The following BEND4 variants were observed in gnomAD, a reference collection of about 807,000 sequenced individuals.
The protein encoded by BEND4 is BEN domain-containing protein 4.
BEND4 carries 27 observed loss-of-function variants against 54.7 expected under a neutral mutation model. That is an observed-to-expected ratio of 0.49 (90% CI 0.36 to 0.68). The LOEUF is 0.68. Ranked by LOEUF, BEND4 falls within the 30% of genes least tolerant of loss-of-function variation. The pLI, the probability that BEND4 is intolerant of heterozygous loss-of-function variation, is 0.00. For missense variants in BEND4, 702 were observed against 697.2 expected, an observed-to-expected ratio of 1.01 and a Z score of -0.08; for synonymous variants, 327 against 299.5, an observed-to-expected ratio of 1.09 and a Z score of -0.95.
At chr4:42,124,547 G>A (rs899657820) in intron 4 of BEND4, among the ~76,000 whole-genome samples, 1 of 152,162 alleles carries the variant, frequency 6.6e-6, no homozygotes, top group Non-Finnish European at 1.5e-5. Context: ...CGGAGGAGGA[G>A]AGGTGAGGGC....
In BEND4 at chr4:42,151,683, T is replaced by G. The variant is rs1054895314; in HGVS notation, c.461A>C (p.Asp154Ala). ...AAAGTGGTGS[D>A]SASLELSAES... ...TGCGCTGAGCTCCAGGCTGGCGCTG[T>G]CGCTACCCGTGCCGCCGGTGCCGGC... Residue 154 changes from aspartate to alanine, a missense_variant, in exon 2 of 6, where the codon GAC becomes GCC. Asp to Ala is a moderately radical substitution (Grantham distance 126, BLOSUM62 -2). Transcript: ENST00000502486. 6.7e-6 allele frequency: 10 copies of G among 1,491,920 alleles called. No individual in the cohort carries two copies. The African/African-American group carries it at 7.4e-5, about 11-fold the overall frequency. The allele number at this position is 1,491,920 out of a possible 1,614,324, so 92.4% of individuals were successfully genotyped here.
At chr4:42,140,910 C>A (rs551467637) in intron 3 of BEND4, among the ~76,000 whole-genome samples, 1 of 152,220 alleles carries the variant, frequency 6.6e-6, no homozygotes, top group Non-Finnish European at 1.5e-5. Context: ...ATGATCTCTA[C>A]GACACGATTT....
intron 3 of BEND4, among the ~76,000 whole-genome samples, chr4:42,131,861 T>C (rs1456956001): frequency 6.6e-6 from 1 of 151,134 alleles, no homozygotes; most frequent in African/African-American, 2.4e-5. Flanking sequence ...TGTCCTCCCA[T>C]CCTCCCACTC....
At chr4:42,122,791 G>A (rs1228880661) in intron 4 of BEND4, among the ~76,000 whole-genome samples, 1 of 152,142 alleles carries the variant, frequency 6.6e-6, no homozygotes, top group East Asian at 1.9e-4. Context: ...AGCTTACCTG[G>A]TAAGCCAGGA....
In BEND4 at chr4:42,151,701, G is replaced by C. The variant is rs769008166; in HGVS notation, c.443C>G (p.Thr148Ser). Residue 148 changes from threonine (T) to serine (S), a missense_variant, in exon 2 of 6, where the codon ACC becomes AGC. Thr to Ser is a moderately conservative substitution (Grantham distance 58). Transcript: ENST00000502486. ...GGCGCTGTCGCTACCCGTGCCGCCG[G>C]TGCCGGCGGCCGCCGCCGCGCCTGG... ...YGPGAAAAAG[T>S]GGTGSDSASL... 2.2e-5 allele frequency: 33 copies of C among 1,504,662 alleles called. No homozygotes were observed. Among genetic ancestry groups the C allele is most frequent in the Middle Eastern group, 1.8e-4 (1 of 5,714 alleles). The allele number at this position is 1,504,662 out of a possible 1,614,324, so 93.2% of individuals were successfully genotyped here. A position where few individuals can be genotyped will look rare whatever the true frequency, so the allele number is the denominator to read the frequency against.
At chr4:42,140,654 A>G (rs1014953783) in intron 3 of BEND4, among the ~76,000 whole-genome samples, 8 of 152,210 alleles carry the variant, frequency 5.3e-5, no homozygotes, top group Admixed American at 3.3e-4. Flanking sequence ...CTGACCTGCT[A>G]TGGGTTCGGT....
chr4:42,151,441 C>T (rs1721277241), intron 2 of BEND4: 2 of 380,094 alleles, frequency 5.3e-6, no homozygotes, highest in Middle Eastern at 7.1e-4. Context: ...AGCCGCGGAG[C>T]CACCTGTTAG....
In BEND4 at chr4:42,111,738, GA is replaced by G. The variant is rs1259365281; in HGVS notation, c.*5779del. 1.3e-5 allele frequency: 2 copies of G among 152,210 alleles called. No homozygotes were observed. The highest frequency in any genetic ancestry group is 4.8e-5 in the African/African-American group (2 of 41,444). The allele number at this position is 152,210 out of a possible 1,614,324, so 9.4% of individuals were successfully genotyped here. ...TCTAAAGCTACAAAGACACAAACGT[GA>G]AAAGTGAATTGAACGTTGGCTACCT... is the stretch of plus-strand genomic sequence containing the variant. On this transcript the variant is annotated 3_prime_UTR_variant, in exon 6 of 6. Coordinates refer to ENST00000502486, the MANE Select transcript of BEND4 (RefSeq NM_207406.4).
chr4:42,138,956 T>C (rs1720791551), intron 3 of BEND4, among the ~76,000 whole-genome samples: 1 of 152,228 alleles, frequency 6.6e-6, no homozygotes, highest in African/African-American at 2.4e-5. Flanking sequence ...TTACATCCAC[T>C]GGCGTCTTAG....
intron 3 of BEND4, among the ~76,000 whole-genome samples, 172 bp from the exon 4 acceptor site, chr4:42,125,846 C>T (rs1370079911): frequency 6.6e-6 from 1 of 151,746 alleles, no homozygotes; most frequent in Non-Finnish European, 1.5e-5. Flanking sequence ...TCAAGTGATT[C>T]TCCCACTTCA....
chr4:42,142,276 T>A (rs928382963), intron 3 of BEND4, among the ~76,000 whole-genome samples: 1 of 151,352 alleles, frequency 6.6e-6, no homozygotes, highest in Non-Finnish European at 1.5e-5. Context: ...CTGTTAATGA[T>A]CTTAATGTCT....
chr4:42,149,191 A>AACC (rs1721177153), intron 2 of BEND4, among the ~76,000 whole-genome samples: 1 of 80,546 alleles, frequency 1.2e-5, no homozygotes, highest in Admixed American at 1.2e-4. Context: ...CGCCGCTCCC[A>AACC]CCCCCCCCAC....
chr4:42,127,071 AC>A (rs1334400817), intron 3 of BEND4, among the ~76,000 whole-genome samples: 1 of 152,088 alleles, frequency 6.6e-6, no homozygotes, highest in African/African-American at 2.4e-5. Context: ...CGTGTTTCTC[AC>A]CCATTTTTTT....
At chr4:42,121,364 G>A (rs991997398) in intron 4 of BEND4, among the ~76,000 whole-genome samples, 2 of 152,186 alleles carry the variant, frequency 1.3e-5, no homozygotes, top group Non-Finnish European at 2.9e-5. Flanking sequence ...ACTCATCACG[G>A]CAGCATTCAT....
chr4:42,114,585 C>A lies in BEND4; in HGVS notation c.*2933G>T, dbSNP rs915360032. 3 of 152,120 alleles carry A rather than the reference C, an allele frequency of 2.0e-5. No individual in the cohort carries two copies. Among genetic ancestry groups the A allele is most frequent in the Non-Finnish European group, 4.4e-5 (3 of 68,024 alleles). 9.4% of individuals were successfully genotyped at this position (152,120 alleles called of 1,614,324 possible). On this transcript the variant is annotated 3_prime_UTR_variant, in exon 6 of 6. Transcript: ENST00000502486. ...CTTGTGAGAGCAATCTGTCCATTTG[C>A]CAGATAAAGATGCAGAAAATCAAAT...
chr4:42,151,488 G>T, intron 2 of BEND4, 169 bp downstream of exon 2: 1 of 652,004 alleles, frequency 1.5e-6, no homozygotes, highest in Non-Finnish European at 2.2e-6. Context: ...GGCGGCGCTG[G>T]AGAATCCTCT....
chr4:42,146,927 G>GA (rs1290747187), intron 2 of BEND4, among the ~76,000 whole-genome samples: 2 of 152,042 alleles, frequency 1.3e-5, no homozygotes, highest in African/African-American at 4.8e-5. Context: ...GATTTTAAGG[G>GA]AAAAAAATCT....
rs370323224 is a variant in BEND4 at position 42,120,064 on chromosome 4, T to C, written c.1377A>G (p.Thr459=). The C allele has an allele frequency of 3.8e-5, 61 of 1,613,866 alleles. 1 individual carries two copies. In the East Asian group the frequency reaches 3.8e-4, roughly 10 times the overall value. Residue 459 remains threonine (T), a synonymous_variant, in exon 5 of 6, where the codon ACA becomes ACG. Coordinates refer to ENST00000502486, the MANE Select transcript of BEND4 (RefSeq NM_207406.4). ...ERRPLDPVKV[T]CLREFIRMHC... is the part of the protein sequence containing the mutation. The stretch of plus-strand genomic sequence containing the variant: ...GGAAGGATGCAGTACCTCGGAGGCA[T>C]GTTACTTTAACTGGATCCAGAGGGC...
At chr4:42,137,324 T>C (rs1244113133) in intron 3 of BEND4, among the ~76,000 whole-genome samples, 1 of 152,132 alleles carries the variant, frequency 6.6e-6, no homozygotes, top group East Asian at 1.9e-4. Flanking sequence ...TGCAAAAGAA[T>C]GAAATTAGAC....
Sources: allele counts gnomAD v4.1 joint callset (sites outside exome capture counted in the v4.1 genomes callset), GRCh38; gene constraint gnomAD v4.1.1; transcripts MANE v1.5; gene names NCBI Gene and HGNC (gene_info 2026-07-23, HGNC 2026-07-21).